The following MYO16 variants were observed in gnomAD, a reference collection of about 807,000 sequenced individuals.
MYO16 encodes unconventional myosin-XVI.
In MYO16, 94 loss-of-function variants were observed where a neutral mutation model predicts 205.3. That is an observed-to-expected ratio of 0.46 (90% CI 0.39 to 0.54). The LOEUF (loss-of-function observed/expected upper bound fraction) is 0.54. Ranked by LOEUF, MYO16 falls within the 20% of genes least tolerant of loss-of-function variation. MYO16 has a pLI of 0.00. For missense variants in MYO16, 2,315 were observed against 2,387.5 expected (o/e 0.97, Z 0.63); for synonymous variants, 988 against 954.0 (o/e 1.04, Z -0.66).
intron 19 of MYO16, 101 bp from the exon 20 acceptor site, chr13:108,964,659 CT>C: frequency 8.2e-7 from 1 of 1,219,074 alleles, no homozygotes; most frequent in Non-Finnish European, 1.2e-6. Context: ...CATCACTTGT[CT>C]TGTGGATGTG....
Position 108,865,110 on chromosome 13 carries a change from A to G in MYO16, c.1360-1067A>G, listed in dbSNP as rs192708966. On this transcript the variant is annotated intron_variant, in intron 11 of 34. Transcript: ENST00000457511. Reference sequence around the variant, plus strand: ...TCCTAATTCTACCGTAATAGAACATACTCTGTGTGACTCAAATCTTTTAAG... The same window carrying G: ...TCCTAATTCTACCGTAATAGAACATGCTCTGTGTGACTCAAATCTTTTAAG... 4.7e-3 allele frequency among the ~76,000 whole-genome samples: 712 copies of G among 152,262 alleles called. 9 individuals are homozygous for G. Among genetic ancestry groups the G allele is most frequent in the Non-Finnish European group, 6.2e-3 (425 of 68,008 alleles).
In MYO16 at chr13:109,055,643, CA is replaced by C. The variant is rs1566484340; in HGVS notation, c.3335+49del. 1 of 1,473,764 alleles carries C rather than the reference CA, an allele frequency of 6.8e-7. No individual in the cohort carries two copies. Among genetic ancestry groups the C allele is most frequent in the East Asian group, 2.3e-5 (1 of 44,170 alleles). The allele number at this position is 1,473,764 out of a possible 1,614,324, so 91.3% of individuals were successfully genotyped here. Reference sequence around the variant, plus strand: ...TCGTCGTTCTCGCTGCTGTTCAGTGCAGTGTACTGACACTGACACTATTGTA... The same window carrying C: ...TCGTCGTTCTCGCTGCTGTTCAGTGCGTGTACTGACACTGACACTATTGTA... On this transcript the variant is annotated intron_variant, in intron 27 of 34. Coordinates refer to ENST00000457511, the MANE Select transcript of MYO16 (RefSeq NM_001198950.3). The surrounding 1 kb of genome is among the most constrained non-coding windows in gnomAD (Gnocchi z 5.0).
At chr13:109,112,234 T>C (rs1044700983) in intron 28 of MYO16, among the ~76,000 whole-genome samples, 1 of 152,080 alleles carries the variant, frequency 6.6e-6, no homozygotes, top group Non-Finnish European at 1.5e-5. Context: ...CATAAAATCA[T>C]TGAAGTTTCT....
chr13:108,574,394 G>A, the MYO16 span, among the ~76,000 whole-genome samples: 1 of 151,920 alleles, frequency 6.6e-6, no homozygotes, highest in Non-Finnish European at 1.5e-5. Flanking sequence ...GCATAACTGT[G>A]GTATCAAGAG....
At chr13:108,709,324 G>C (rs1416760000) in intron 2 of MYO16, among the ~76,000 whole-genome samples, 2 of 152,294 alleles carry the variant, frequency 1.3e-5, no homozygotes, top group African/African-American at 4.8e-5. Flanking sequence ...TAGTAATTCT[G>C]AGGCCAATAA....
chr13:108,688,799 G>A (rs1022282742), intron 2 of MYO16, among the ~76,000 whole-genome samples: 12 of 152,120 alleles, frequency 7.9e-5, no homozygotes, highest in East Asian at 5.8e-4. Context: ...TAGAAAGACC[G>A]TCAATTTTGG....
intron 32 of MYO16, among the ~76,000 whole-genome samples, chr13:109,147,463 C>T (rs1405762647): frequency 6.6e-6 from 1 of 152,118 alleles, no homozygotes; most frequent in Admixed American, 6.5e-5. Flanking sequence ...CCAACATTAT[C>T]GTCATTTATT....
At chr13:108,909,968 C>T in intron 15 of MYO16, 35 bp from the exon 16 acceptor site, 1 of 1,589,818 alleles carries the variant, frequency 6.3e-7, no homozygotes, top group Non-Finnish European at 8.6e-7. Flanking sequence ...ATGAATACTG[C>T]CATTTAACAG....
chr13:108,592,377 G>A (rs111205913), upstream of MYO16, among the ~76,000 whole-genome samples: 3,329 of 135,414 alleles, frequency 0.025, 116 homozygotes, highest in African/African-American at 0.076. Context: ...GGGTGTAGGC[G>A]GCTGTGTGTG....
At chr13:108,611,978 T>C (rs1015078920) in intron 1 of MYO16, among the ~76,000 whole-genome samples, 37 of 83,420 alleles carry the variant, frequency 4.4e-4, no homozygotes, top group Middle Eastern at 0.013. Flanking sequence ...TTTTCTTTTT[T>C]TTTTTTTTTT....
At chr13:108,886,788 C>G (rs1383540603) in intron 13 of MYO16, among the ~76,000 whole-genome samples, 5 of 152,140 alleles carry the variant, frequency 3.3e-5, no homozygotes, top group Non-Finnish European at 7.3e-5. Context: ...TCGGGGGACC[C>G]TTCCCTGACT....
intron 9 of MYO16, among the ~76,000 whole-genome samples, chr13:108,834,243 T>A (rs1388404308): frequency 6.6e-6 from 1 of 152,140 alleles, no homozygotes. Flanking sequence ...TAGGAGGGAC[T>A]TTCATCAAGG....
rs201339478 is a variant in MYO16, at chr13:108,861,050, A to AT, written c.1360-5121dup. Among the ~76,000 whole-genome samples the AT allele has an allele frequency of 1.1e-3, 175 of 152,176 alleles. 1 individual carries two copies. The East Asian group carries it at 0.026, about 23-fold the overall frequency. On this transcript the variant is annotated intron_variant, in intron 11 of 34. Coordinates refer to ENST00000457511, the MANE Select transcript of MYO16 (RefSeq NM_001198950.3). ...CTTGGGTATAGAATACTGAGCAATC[A>AT]TTTTTTCCCATAAATGTTGTATTAA...
At chr13:108,756,413 C>T (rs1001637211) in intron 4 of MYO16, among the ~76,000 whole-genome samples, 10 of 152,054 alleles carry the variant, frequency 6.6e-5, no homozygotes, top group African/African-American at 2.4e-4. Flanking sequence ...TTGAGAAACA[C>T]ATCTGTACCA....
intron 14 of MYO16, among the ~76,000 whole-genome samples, chr13:108,894,689 T>C (rs189879288): frequency 8.2e-4 from 125 of 152,308 alleles, no homozygotes; most frequent in African/African-American, 2.9e-3. Context: ...TGGCCCATCT[T>C]AAAAGCCTGC....
intron 23 of MYO16, among the ~76,000 whole-genome samples, chr13:109,029,451 C>A (rs1012395399): frequency 6.6e-6 from 1 of 152,202 alleles, no homozygotes; most frequent in African/African-American, 2.4e-5. Context: ...CCTTTCATAA[C>A]GTGTCCTTTA....
chr13:109,016,062 C>T (rs1334722514), intron 22 of MYO16, among the ~76,000 whole-genome samples: 5 of 152,102 alleles, frequency 3.3e-5, no homozygotes, highest in East Asian at 1.9e-4. Flanking sequence ...GTTAGGATGT[C>T]GATTTTTGAT....
chr13:108,660,085 G>C (rs781363315), intron 1 of MYO16, among the ~76,000 whole-genome samples: 2 of 152,106 alleles, frequency 1.3e-5, no homozygotes, highest in Non-Finnish European at 2.9e-5. Flanking sequence ...CTGGGCAACA[G>C]AGCAAGACCC....
At chr13:109,187,509 G>C (rs563878200) in intron 34 of MYO16, among the ~76,000 whole-genome samples, 5 of 152,104 alleles carry the variant, frequency 3.3e-5, no homozygotes, top group Admixed American at 6.6e-5. Context: ...ATTTAATAGA[G>C]TTGTAAATTT....
Sources: allele counts gnomAD v4.1 joint callset (sites outside exome capture counted in the v4.1 genomes callset), GRCh38; gene constraint gnomAD v4.1.1; non-coding constraint Gnocchi (gnomAD v3.1); transcripts MANE v1.5; gene names NCBI Gene and HGNC (gene_info 2026-07-23, HGNC 2026-07-21).